The following TINAGL1 variants were observed in gnomAD, a reference collection of about 807,000 sequenced individuals.
TINAGL1 encodes the protein tubulointerstitial nephritis antigen-like.
In TINAGL1, 34 loss-of-function variants were observed where a neutral mutation model predicts 62.0. That is an observed-to-expected ratio of 0.55 (90% confidence interval 0.42 to 0.73). TINAGL1 has a LOEUF of 0.73. Ranked by LOEUF, TINAGL1 falls within the 30% of genes least tolerant of loss-of-function variation. The pLI, the probability that TINAGL1 is intolerant of heterozygous loss-of-function variation, is 0.00. For missense variants in TINAGL1, 516 were observed against 653.2 expected (o/e 0.79, Z 2.29); for synonymous variants, 221 against 249.7 (o/e 0.88, Z 1.08).
chr1:31,582,831 T>A (rs1046097876), intron 3 of TINAGL1, among the ~76,000 whole-genome samples: 4 of 150,780 alleles, frequency 2.7e-5, no homozygotes. Context: ...GTTGCCGTTT[T>A]CTGAGAACTG....
chr1:31,583,426 A>G lies in TINAGL1; in HGVS notation c.468-35A>G. The G allele has an allele frequency of 1.3e-6, 2 of 1,596,568 alleles. No individual in the cohort carries two copies. The highest frequency in any genetic ancestry group is 1.7e-6 in the Non-Finnish European group (2 of 1,168,196). On this transcript the variant is annotated intron_variant, in intron 4 of 11. Transcript: ENST00000271064. This position sits in a 1 kb window ranked among gnomAD's most constrained non-coding sequence, Gnocchi z 4.4. Reference sequence around the variant, plus strand: ...CACGCCAAGGACCCTGAGCCTCGGCAGATCTGTGACTTCCTTCCGTCCCCT... The same window carrying G: ...CACGCCAAGGACCCTGAGCCTCGGCGGATCTGTGACTTCCTTCCGTCCCCT...
Position 31,584,529 on chromosome 1 carries a change from T to G in TINAGL1, c.583-149T>G. The G allele has an allele frequency of 2.4e-6, 3 of 1,263,374 alleles. No individual in the cohort carries two copies. Among genetic ancestry groups the G allele is most frequent in the Admixed American group, 2.2e-5 (1 of 44,624 alleles). The allele number at this position is 1,263,374 out of a possible 1,614,324, so 78.3% of individuals were successfully genotyped here. A position where few individuals can be genotyped will look rare whatever the true frequency, so the allele number is the denominator to read the frequency against. ...CTTGGTTCTTCAACACAAGTCAAAA[T>G]TGGAGGCAGCTGGAATCCTGCAGCA... On this transcript the variant is annotated intron_variant, in intron 5 of 11. Coordinates refer to ENST00000271064, the MANE Select transcript of TINAGL1 (RefSeq NM_022164.3). This position sits in a 1 kb window ranked among gnomAD's most constrained non-coding sequence, Gnocchi z 4.0.
chr1:31,586,028 A>T (rs1322433367), intron 10 of TINAGL1, 152 bp downstream of exon 10: 5 of 1,141,986 alleles, frequency 4.4e-6, no homozygotes, highest in African/African-American at 1.6e-5. Flanking sequence ...AAGAGAAAGG[A>T]CTTGCCCTGG....
rs1024879530 is a variant in TINAGL1, at chr1:31,582,339, C to T, written c.375-810C>T. On this transcript the variant is annotated intron_variant, in intron 3 of 11. Coordinates refer to ENST00000271064, the MANE Select transcript of TINAGL1 (RefSeq NM_022164.3). ...CAAGACCCTGTCTCAAAAAAAAAAG[C>T]GGGGAGGAAGGGGAGCAGGCAGATT... 7.1e-5 allele frequency among the ~76,000 whole-genome samples: 10 copies of T among 141,726 alleles called. No homozygotes were observed. The South Asian group carries it at 1.1e-3, about 16-fold the overall frequency. 93.0% of individuals were successfully genotyped at this position (141,726 alleles called of 152,430 possible). A position where few individuals can be genotyped will look rare whatever the true frequency, so the allele number is the denominator to read the frequency against.
chr1:31,583,385 C>T lies in TINAGL1; in HGVS notation c.468-76C>T. The T allele has an allele frequency of 6.7e-7, 1 of 1,492,048 alleles. No individual in the cohort carries two copies. The highest frequency in any genetic ancestry group is 9.2e-7 in the Non-Finnish European group (1 of 1,082,712). 92.4% of individuals were successfully genotyped at this position (1,492,048 alleles called of 1,614,324 possible). On this transcript the variant is annotated intron_variant, in intron 4 of 11. Transcript: ENST00000271064. The surrounding 1 kb of genome is among the most constrained non-coding windows in gnomAD (Gnocchi z 4.4). ...GTGCGCTCAGCCACTGTGCGTCTCTCCCACCCACATGCACCCACGCCAAGG... is the reference window on the plus strand; with the variant it reads ...GTGCGCTCAGCCACTGTGCGTCTCTTCCACCCACATGCACCCACGCCAAGG...
chr1:31,585,059 G>A lies in TINAGL1; in HGVS notation c.857+23G>A. 6.3e-7 allele frequency: 1 copy of A among 1,582,812 alleles called. No homozygotes were observed. Among genetic ancestry groups the A allele is most frequent in the South Asian group, 1.1e-5 (1 of 88,086 alleles). The stretch of plus-strand genomic sequence containing the variant: ...AGGGTATGCAGCAACAGGGGATGTG[G>A]GCAGAGAAGAGGGCAAGGAGCTCCG... On this transcript the variant is annotated intron_variant, in intron 7 of 11. Transcript: ENST00000271064. This position sits in a 1 kb window ranked among gnomAD's most constrained non-coding sequence, Gnocchi z 4.3.
rs1639289158 is a variant in TINAGL1, at chr1:31,583,080, C to T, written c.375-69C>T. On this transcript the variant is annotated intron_variant, in intron 3 of 11. Coordinates refer to ENST00000271064, the MANE Select transcript of TINAGL1 (RefSeq NM_022164.3). The surrounding 1 kb of genome is among the most constrained non-coding windows in gnomAD (Gnocchi z 4.4). Reference sequence around the variant, plus strand: ...AGACTCCCTGGCCCATGTTAACCTCCGAGGCCACATTCCTTCAAAGTATCC... The same window carrying T: ...AGACTCCCTGGCCCATGTTAACCTCTGAGGCCACATTCCTTCAAAGTATCC... 1.5e-5 allele frequency: 22 copies of T among 1,432,752 alleles called. No individual in the cohort carries two copies. The highest frequency in any genetic ancestry group is 1.7e-4 in the Middle Eastern group (1 of 5,726). 88.8% of individuals were successfully genotyped at this position (1,432,752 alleles called of 1,614,324 possible).
At position 31,587,003 on chromosome 1, in the gene TINAGL1, C is replaced by T. The variant is rs1049815781; in HGVS notation, c.*24C>T. The stretch of plus-strand genomic sequence containing the variant: ...GAGGCTGCGGGCACCACGCGGGGTC[C>T]GGCCTGGGATCCAGGCTAAGGGCCG... On this transcript the variant is annotated 3_prime_UTR_variant, in exon 12 of 12. Coordinates refer to ENST00000271064, the MANE Select transcript of TINAGL1 (RefSeq NM_022164.3). 2 of 1,444,318 alleles carry T rather than the reference C, an allele frequency of 1.4e-6. No individual in the cohort carries two copies. Among genetic ancestry groups the T allele is most frequent in the Non-Finnish European group, 9.1e-7 (1 of 1,101,750 alleles). 89.5% of individuals were successfully genotyped at this position (1,444,318 alleles called of 1,614,324 possible). A position where few individuals can be genotyped will look rare whatever the true frequency, so the allele number is the denominator to read the frequency against.
chr1:31,578,877 G>GGT lies in TINAGL1; in HGVS notation c.311-307_311-306dup, dbSNP rs57769142. 1.2e-3 allele frequency among the ~76,000 whole-genome samples: 92 copies of GGT among 76,430 alleles called. 19 individuals carry two copies. The highest frequency in any genetic ancestry group is 5.0e-3 in the African/African-American group (82 of 16,562). The allele number at this position is 76,430 out of a possible 152,430, so 50.1% of individuals were successfully genotyped here. Reference sequence around the variant, plus strand: ...TTATAGCTTAATCTCAGTGAGAGCTGGTGTGTGTGTGTGTGTGTGTGATAT... The same window carrying GGT: ...TTATAGCTTAATCTCAGTGAGAGCTGGTGTGTGTGTGTGTGTGTGTGTGATAT... On this transcript the variant is annotated intron_variant, in intron 2 of 11. Coordinates refer to ENST00000271064, the MANE Select transcript of TINAGL1 (RefSeq NM_022164.3).
At position 31,577,113 on chromosome 1, in the gene TINAGL1, C is replaced by G; in HGVS notation, c.-15-21C>G. 2.8e-6 allele frequency: 4 copies of G among 1,449,454 alleles called. No homozygotes were observed. In the South Asian group the frequency reaches 5.7e-5, roughly 21 times the overall value. 89.8% of individuals were successfully genotyped at this position (1,449,454 alleles called of 1,614,324 possible). On this transcript the variant is annotated intron_variant, in intron 1 of 11. Transcript: ENST00000271064. This position sits in a 1 kb window ranked among gnomAD's most constrained non-coding sequence, Gnocchi z 5.4. ...CTGGTGTTCCAGGGAGTCTCTGCTG[C>G]CCACCATCTCTGCCCCCCAGGGCCC...
chr1:31,587,102 C>G lies in TINAGL1; in HGVS notation c.*123C>G, dbSNP rs1249802315. ...CCCGGGGCGCAGGCGGGCGCCAGGGCGCTAATCCCGGCGCGGGTTCCGCTG... is the reference window on the plus strand; with the variant it reads ...CCCGGGGCGCAGGCGGGCGCCAGGGGGCTAATCCCGGCGCGGGTTCCGCTG... On this transcript the variant is annotated 3_prime_UTR_variant, in exon 12 of 12. Coordinates refer to ENST00000271064, the MANE Select transcript of TINAGL1 (RefSeq NM_022164.3). 1 of 1,299,308 alleles carries G rather than the reference C, an allele frequency of 7.7e-7. No homozygotes were observed. Among genetic ancestry groups the G allele is most frequent in the East Asian group, 3.1e-5 (1 of 31,970 alleles). The allele number at this position is 1,299,308 out of a possible 1,614,324, so 80.5% of individuals were successfully genotyped here.
intron 3 of TINAGL1, among the ~76,000 whole-genome samples, chr1:31,581,312 G>C (rs913016375): frequency 1.3e-5 from 2 of 152,178 alleles, no homozygotes; most frequent in Non-Finnish European, 2.9e-5. Context: ...AATTTTAAGG[G>C]GTAGCAGACT....
intron 3 of TINAGL1, among the ~76,000 whole-genome samples, chr1:31,581,630 C>G (rs1639247960): frequency 6.6e-6 from 1 of 152,156 alleles, no homozygotes; most frequent in Non-Finnish European, 1.5e-5. Context: ...GTCTGAAGCT[C>G]TAGAGAAGTG....
Position 31,587,092 on chromosome 1 carries a change from G to T in TINAGL1, c.*113G>T. On this transcript the variant is annotated 3_prime_UTR_variant, in exon 12 of 12. Coordinates refer to ENST00000271064, the MANE Select transcript of TINAGL1 (RefSeq NM_022164.3). ...CCCGACAGAGCCCGGGGCGCAGGCGGGCGCCAGGGCGCTAATCCCGGCGCG... is the reference window on the plus strand; with the variant it reads ...CCCGACAGAGCCCGGGGCGCAGGCGTGCGCCAGGGCGCTAATCCCGGCGCG... 7.6e-7 allele frequency: 1 copy of T among 1,318,474 alleles called. No homozygotes were observed. The highest frequency in any genetic ancestry group is 9.6e-7 in the Non-Finnish European group (1 of 1,037,920). 81.7% of individuals were successfully genotyped at this position (1,318,474 alleles called of 1,614,324 possible).
chr1:31,580,191 C>CTG (rs1557557767), intron 3 of TINAGL1: 132 of 418,198 alleles, frequency 3.2e-4, no homozygotes, highest in East Asian at 3.8e-4. Flanking sequence ...CTCTCTCTCT[C>CTG]TCTCTCTCTC....
Position 31,580,816 on chromosome 1 carries a change from G to A in TINAGL1, c.374+1549G>A, listed in dbSNP as rs996887684. 2.5e-6 allele frequency: 3 copies of A among 1,189,370 alleles called. No individual in the cohort carries two copies. In the African/African-American group the frequency reaches 4.8e-5, roughly 19 times the overall value. The allele number at this position is 1,189,370 out of a possible 1,614,324, so 73.7% of individuals were successfully genotyped here. ...ATTATTAAAGACCTACTGCGTGACAGGCACTATGCTGAGCTCAGGAGATGG... is the reference window on the plus strand; with the variant it reads ...ATTATTAAAGACCTACTGCGTGACAAGCACTATGCTGAGCTCAGGAGATGG... On this transcript the variant is annotated intron_variant, in intron 3 of 11. Transcript: ENST00000271064.
intron 3 of TINAGL1, among the ~76,000 whole-genome samples, chr1:31,581,997 C>T (rs1639257902): frequency 6.6e-6 from 1 of 152,288 alleles, no homozygotes; most frequent in East Asian, 1.9e-4. Context: ...ACAATACCTG[C>T]CCTCAAGGAA....
intron 3 of TINAGL1, among the ~76,000 whole-genome samples, chr1:31,581,342 G>T (rs541780613): frequency 6.6e-6 from 1 of 152,150 alleles, no homozygotes; most frequent in Non-Finnish European, 1.5e-5. Context: ...AGGCAGTGCC[G>T]GGGTCCAGGT....
intron 10 of TINAGL1, chr1:31,586,375 T>C: frequency 2.0e-6 from 1 of 492,616 alleles, no homozygotes; most frequent in Non-Finnish European, 3.6e-6. Flanking sequence ...CCTCCCTGGA[T>C]CCCCAAGTGA....
Sources: allele counts gnomAD v4.1 joint callset (sites outside exome capture counted in the v4.1 genomes callset), GRCh38; gene constraint gnomAD v4.1.1; non-coding constraint Gnocchi (gnomAD v3.1); transcripts MANE v1.5; gene names NCBI Gene and HGNC (gene_info 2026-07-23, HGNC 2026-07-21).